Variants in DNA2 observed in about 807,000 individuals in gnomAD.
DNA2 encodes the protein DNA replication helicase/nuclease 2.
DNA2 carries 101 observed loss-of-function variants against 119.1 expected under a neutral mutation model. The observed-to-expected ratio is 0.85, with a 90% confidence interval of 0.72 to 1.00. The LOEUF (loss-of-function observed/expected upper bound fraction) is 1.00. DNA2 is among the 50% of genes least tolerant of loss of function. DNA2 has a pLI of 0.00. For missense variants in DNA2, 1,121 were observed against 1,255.5 expected (o/e 0.89, Z 1.62); for synonymous variants, 366 against 424.4 (o/e 0.86, Z 1.69).
At chr10:68,446,862 G>T (rs780198204) in intron 6 of DNA2, among the ~76,000 whole-genome samples, 2 of 151,942 alleles carry the variant, frequency 1.3e-5, no homozygotes, top group Non-Finnish European at 2.9e-5. Context: ...AGGGTGGTGC[G>T]GGGGGAGAAG....
intron 14 of DNA2, among the ~76,000 whole-genome samples, chr10:68,423,279 T>TTA (rs767355153): frequency 4.3e-4 from 61 of 143,056 alleles, no homozygotes; most frequent in Non-Finnish European, 7.1e-4. Context: ...TCCCTAGGCA[T>TTA]TATATATAAA....
At chr10:68,437,809 C>T (rs2051911402) in intron 9 of DNA2, among the ~76,000 whole-genome samples, 1 of 152,070 alleles carries the variant, frequency 6.6e-6, no homozygotes, top group Admixed American at 6.6e-5. Context: ...CCACCCTGTT[C>T]AAGCGATTCT....
chr10:68,446,996 G>T lies in DNA2; in HGVS notation c.940-583C>A, dbSNP rs1011626178. Reference sequence around the variant, plus strand: ...GCTGTGCATTTTAAAATCACTAAAGGAGTATAACTGGGTTATTTGTAACAC... The same window carrying T: ...GCTGTGCATTTTAAAATCACTAAAGTAGTATAACTGGGTTATTTGTAACAC... On this transcript the variant is annotated intron_variant, in intron 6 of 20. Coordinates refer to ENST00000358410, the MANE Select transcript of DNA2 (RefSeq NM_001080449.3). Among the ~76,000 whole-genome samples the T allele has an allele frequency of 4.6e-5, 7 of 152,188 alleles. No homozygotes were observed. In the East Asian group the frequency reaches 1.2e-3, roughly 25 times the overall value.
chr10:68,450,000 CA>C, intron 6 of DNA2, 27 bp downstream of exon 6: 1 of 1,097,488 alleles, frequency 9.1e-7, no homozygotes, highest in East Asian at 2.8e-5. Flanking sequence ...AAGTATAAAA[CA>C]GACAATTTTC....
intron 5 of DNA2, among the ~76,000 whole-genome samples, chr10:68,456,821 T>C (rs932104605): frequency 2.0e-5 from 3 of 146,890 alleles, no homozygotes; most frequent in African/African-American, 7.5e-5. Flanking sequence ...TAAAGAAAAA[T>C]AAAACTCTGC....
At chr10:68,472,104 G>A (rs1459500574), upstream of DNA2, 3 of 1,521,922 alleles carry the variant, frequency 2.0e-6, 1 homozygote, top group East Asian at 2.5e-5. Flanking sequence ...TTAGGACTGG[G>A]AATACAGGGA....
intron 10 of DNA2, 42 bp downstream of exon 10, chr10:68,436,969 A>G (rs2051896508): frequency 6.3e-6 from 9 of 1,433,602 alleles, no homozygotes; most frequent in East Asian, 2.3e-5. Flanking sequence ...TGTGAATTAT[A>G]TATCAATAAA....
At chr10:68,436,594 CAATT>C (rs2051891898) in intron 10 of DNA2, among the ~76,000 whole-genome samples, 1 of 152,070 alleles carries the variant, frequency 6.6e-6, no homozygotes, top group African/African-American at 2.4e-5. Flanking sequence ...AATTTTACCT[CAATT>C]TATTTAAAAT....
intron 20 of DNA2, among the ~76,000 whole-genome samples, chr10:68,416,408 G>C (rs1216882840): frequency 2.6e-5 from 4 of 152,182 alleles, no homozygotes; most frequent in African/African-American, 9.7e-5. Context: ...TGAGGGTGCA[G>C]TGAGCTCTGA....
intron 9 of DNA2, among the ~76,000 whole-genome samples, chr10:68,442,182 T>C (rs1447536774): frequency 6.6e-6 from 1 of 151,746 alleles, no homozygotes; most frequent in African/African-American, 2.4e-5. Flanking sequence ...CCCAAAGTGC[T>C]GGGATTACAG....
At chr10:68,456,170 C>T (rs1210291192) in intron 5 of DNA2, among the ~76,000 whole-genome samples, 2 of 151,996 alleles carry the variant, frequency 1.3e-5, no homozygotes, top group Non-Finnish European at 2.9e-5. Context: ...TGCAGTGAGC[C>T]TAAATCACAC....
At chr10:68,425,793 G>A (rs1158300182) in intron 14 of DNA2, among the ~76,000 whole-genome samples, 3 of 150,560 alleles carry the variant, frequency 2.0e-5, no homozygotes, top group African/African-American at 4.9e-5. Flanking sequence ...ATAAAAATGG[G>A]AAATGTTTCA....
At chr10:68,440,591 C>T (rs1193784839) in intron 9 of DNA2, among the ~76,000 whole-genome samples, 2 of 151,906 alleles carry the variant, frequency 1.3e-5, no homozygotes, top group African/African-American at 4.8e-5. Flanking sequence ...GCCACCTTGC[C>T]CAGCCCAGAG....
At chr10:68,437,725 C>T (rs571866819) in intron 9 of DNA2, among the ~76,000 whole-genome samples, 25 of 152,056 alleles carry the variant, frequency 1.6e-4, no homozygotes, top group Non-Finnish European at 3.2e-4. Context: ...TTTCCACAAC[C>T]TACAGTAAAA....
At chr10:68,453,238 T>C (rs1351327651) in intron 5 of DNA2, among the ~76,000 whole-genome samples, 1 of 152,168 alleles carries the variant, frequency 6.6e-6, no homozygotes, top group East Asian at 1.9e-4. Flanking sequence ...AATTAATTTC[T>C]AAGTACTACT....
rs1400700998 is a variant in DNA2 at position 68,431,880 on chromosome 10, T to C, written c.1965A>G (p.Thr655=). The C allele has an allele frequency of 6.2e-7, 1 of 1,612,044 alleles. No homozygotes were observed. The highest frequency in any genetic ancestry group is 1.3e-5 in the African/African-American group (1 of 74,986). ...LIVGMPGTGK[T]TTICTLVRIL... The stretch of plus-strand genomic sequence containing the variant: ...ACCTTACGAGAGTACATATCGTAGT[T>C]GTTTTTCCTGTCCCAGGCATACCCA... Residue 655 remains threonine, a synonymous_variant, in exon 13 of 21, where the codon ACA becomes ACG. Coordinates refer to ENST00000358410, the MANE Select transcript of DNA2 (RefSeq NM_001080449.3).
Position 68,419,233 on chromosome 10 carries a change from AT to A in DNA2, c.2788-21del. Reference sequence around the variant, plus strand: ...TCCAGCCTAAATAGAAAAAGACACAATTTAAAAGAAAGAAATCCTGATTAAG... The same window carrying A: ...TCCAGCCTAAATAGAAAAAGACACAATTAAAAGAAAGAAATCCTGATTAAG... On this transcript the variant is annotated intron_variant, in intron 18 of 20. Transcript: ENST00000358410. 5 of 1,493,730 alleles carry A rather than the reference AT, an allele frequency of 3.3e-6. No homozygotes were observed. Among genetic ancestry groups the A allele is most frequent in the Non-Finnish European group, 4.4e-6 (5 of 1,124,026 alleles). The allele number at this position is 1,493,730 out of a possible 1,614,324, so 92.5% of individuals were successfully genotyped here. A position where few individuals can be genotyped will look rare whatever the true frequency, so the allele number is the denominator to read the frequency against.
intron 9 of DNA2, among the ~76,000 whole-genome samples, chr10:68,441,877 A>G (rs1280835141): frequency 6.6e-6 from 1 of 152,208 alleles, no homozygotes; most frequent in Non-Finnish European, 1.5e-5. Flanking sequence ...TCAAGTTTAT[A>G]ATGTTATCAC....
At chr10:68,422,108 C>T in intron 17 of DNA2, 117 bp downstream of exon 17, 1 of 808,936 alleles carries the variant, frequency 1.2e-6, no homozygotes, top group East Asian at 2.7e-5. Flanking sequence ...CCACCACGCC[C>T]AGCCTAGTTT....
Sources: allele counts gnomAD v4.1 joint callset (sites outside exome capture counted in the v4.1 genomes callset), GRCh38; gene constraint gnomAD v4.1.1; transcripts MANE v1.5; gene names NCBI Gene and HGNC (gene_info 2026-07-23, HGNC 2026-07-21).